RERE: variants seen among roughly 807,000 people sequenced by gnomAD.
RERE encodes arginine-glutamic acid dipeptide repeats protein.
In RERE, 40 loss-of-function variants were observed where a neutral mutation model predicts 146.1. The ratio of observed to expected loss-of-function variants is 0.27; its 90% CI spans 0.21 to 0.36. RERE has a LOEUF of 0.36. RERE is among the 10% of genes least tolerant of loss of function. RERE has a pLI of 1.00. For synonymous variants in RERE, 1,003 were observed against 866.0 expected, an observed-to-expected ratio of 1.16 and a Z score of -2.78; for missense variants, 1,933 against 2,138.7, an observed-to-expected ratio of 0.90 and a Z score of 1.90.
intron 1 of RERE, among the ~76,000 whole-genome samples, chr1:8,680,473 A>G (rs1638938503): frequency 6.6e-6 from 1 of 152,190 alleles, no homozygotes; most frequent in African/African-American, 2.4e-5. Context: ...AATGGAGAGG[A>G]TTCCATAGAA....
At chr1:8,636,597 A>G (rs1647104809) in intron 2 of RERE, among the ~76,000 whole-genome samples, 1 of 152,034 alleles carries the variant, frequency 6.6e-6, no homozygotes, top group Non-Finnish European at 1.5e-5. Context: ...AAAATAAAAA[A>G]CATCTGGTAC....
intron 1 of RERE, among the ~76,000 whole-genome samples, chr1:8,796,148 G>A (rs1641469726): frequency 6.6e-6 from 1 of 152,006 alleles, no homozygotes; most frequent in Non-Finnish European, 1.5e-5. Flanking sequence ...AGGCCACCCA[G>A]ATCTCAGATC....
intron 11 of RERE, among the ~76,000 whole-genome samples, chr1:8,458,577 GCA>G (rs961251929): frequency 6.6e-6 from 1 of 152,074 alleles, no homozygotes; most frequent in African/African-American, 2.4e-5. Flanking sequence ...GCGCATGCGC[GCA>G]CACACACATA....
chr1:8,360,443 G>C lies in RERE; in HGVS notation c.3064C>G (p.Pro1022Ala), dbSNP rs202121539. ...GGGGCCACCTGGTGGAGGCCTGTAG[G>C]GGGGTGGGAGGCAGGGGGCGGGGGC... ...NLPPPPASHPPTGLHQVAPQP... is the reference protein window; with the variant it reads ...NLPPPPASHPATGLHQVAPQP... Residue 1022 changes from proline to alanine, a missense_variant, in exon 18 of 23, where the codon CCT (proline) becomes GCT (alanine). Pro to Ala is a conservative substitution (Grantham distance 27). Coordinates refer to ENST00000400908, the MANE Select transcript of RERE (RefSeq NM_001042681.2). The C allele has an allele frequency of 1.3e-3, 1,293 of 961,370 alleles. 20 individuals carry two copies. In the African/African-American group the frequency reaches 0.021, roughly 16 times the overall value. The allele number at this position is 961,370 out of a possible 1,614,324, so 59.6% of individuals were successfully genotyped here.
intron 2 of RERE, among the ~76,000 whole-genome samples, chr1:8,637,601 T>A (rs1466150400): frequency 6.6e-6 from 1 of 152,210 alleles, no homozygotes; most frequent in Non-Finnish European, 1.5e-5. Flanking sequence ...ATACCACAGC[T>A]CTACCTCCTT....
At chr1:8,657,572 C>T (rs192400682) in intron 1 of RERE, among the ~76,000 whole-genome samples, 1 of 152,200 alleles carries the variant, frequency 6.6e-6, no homozygotes, top group Admixed American at 6.5e-5. Context: ...ACTGGCCAGG[C>T]GTGGTGGCTC....
intron 1 of RERE, among the ~76,000 whole-genome samples, chr1:8,732,802 A>ATT (rs1640115759): frequency 4.2e-5 from 4 of 94,970 alleles, no homozygotes; most frequent in African/African-American, 1.3e-4. Flanking sequence ...CCAATTTTCA[A>ATT]TTTTTCTTTT....
At position 8,508,628 on chromosome 1, in the gene RERE, T is replaced by C; in HGVS notation, c.878A>G (p.Gln293Arg). The C allele has an allele frequency of 6.2e-7, 1 of 1,611,390 alleles. No homozygotes were observed. The highest frequency in any genetic ancestry group is 8.5e-7 in the Non-Finnish European group (1 of 1,177,602). The change falls in exon 8 of 23, where the codon CAG (glutamine) becomes CGG (arginine). Residue 293 changes from glutamine (Q) to arginine (R), a missense_variant and splice_region_variant. Around this residue, in one of 11 missense-constraint regions of RERE, gnomAD observed 260 missense variants for 378.4 expected, o/e 0.69. Coordinates refer to ENST00000400908, the MANE Select transcript of RERE (RefSeq NM_001042681.2). Reference protein sequence around the residue: ...QGEIRVGPSHQAKLPDLQPFP... With the variant: ...QGEIRVGPSHRAKLPDLQPFP... ...GGAAGCTATGAAAATGAACTTCACC[T>C]GATGACTAGGACCGACACGAATCTC...
intron 4 of RERE, among the ~76,000 whole-genome samples, chr1:8,595,562 T>C (rs1197417502): frequency 2.0e-5 from 3 of 151,996 alleles, no homozygotes; most frequent in African/African-American, 7.2e-5. Flanking sequence ...TATTTTATTA[T>C]GTACATATTT....
At chr1:8,599,783 A>G (rs531599207) in intron 4 of RERE, among the ~76,000 whole-genome samples, 4 of 152,356 alleles carry the variant, frequency 2.6e-5, no homozygotes, top group East Asian at 1.9e-4. Flanking sequence ...TCTTATCTCC[A>G]GCCTTACAGC....
At chr1:8,802,614 T>C (rs943834433) in intron 1 of RERE, among the ~76,000 whole-genome samples, 6 of 152,182 alleles carry the variant, frequency 3.9e-5, no homozygotes, top group African/African-American at 1.2e-4. Context: ...GCTGATTCTC[T>C]TTCTTAAACC....
chr1:8,498,695 C>CAAA (rs1203388426), intron 8 of RERE, among the ~76,000 whole-genome samples: 7 of 96,888 alleles, frequency 7.2e-5, no homozygotes, highest in African/African-American at 2.6e-4. Flanking sequence ...GACTCCATCT[C>CAAA]AAAAAAAAAA....
intron 10 of RERE, among the ~76,000 whole-genome samples, chr1:8,485,796 CTTTTTTTTTT>C (rs58295004): frequency 4.1e-4 from 48 of 117,856 alleles, no homozygotes; most frequent in Non-Finnish European, 7.3e-4. Context: ...TCTACAATCA[CTTTTTTTTTT>C]TTTTTTTTTT....
At chr1:8,764,588 G>C (rs572988373) in intron 1 of RERE, among the ~76,000 whole-genome samples, 41 of 152,192 alleles carry the variant, frequency 2.7e-4, no homozygotes, top group African/African-American at 9.2e-4. Flanking sequence ...TTCAAGGAAG[G>C]CTCCCTGAAG....
chr1:8,701,001 C>G (rs1446209448), intron 1 of RERE, among the ~76,000 whole-genome samples: 1 of 152,070 alleles, frequency 6.6e-6, no homozygotes, highest in Non-Finnish European at 1.5e-5. Context: ...TAAAAGCAAG[C>G]ACGGTGGCAT....
chr1:8,480,354 A>C (rs1278333149), intron 10 of RERE, among the ~76,000 whole-genome samples: 1 of 148,996 alleles, frequency 6.7e-6, no homozygotes, highest in Non-Finnish European at 1.5e-5. Context: ...TGGTCAGGCT[A>C]GTCTTGAACT....
intron 12 of RERE, among the ~76,000 whole-genome samples, chr1:8,409,981 T>TC (rs1643567893): frequency 6.7e-6 from 1 of 148,536 alleles, no homozygotes; most frequent in Non-Finnish European, 1.5e-5. Flanking sequence ...ATTTTTTTTT[T>TC]TTTTTTTTTT....
At chr1:8,422,940 G>C in intron 11 of RERE, 133 bp from the exon 12 acceptor site, 2 of 675,590 alleles carry the variant, frequency 3.0e-6, no homozygotes, top group Non-Finnish European at 5.2e-6. Context: ...CCGAGGCTCG[G>C]AGAGTATGTC....
intron 12 of RERE, among the ~76,000 whole-genome samples, chr1:8,390,883 C>G (rs1350871698): frequency 6.6e-6 from 1 of 152,198 alleles, no homozygotes; most frequent in African/African-American, 2.4e-5. Context: ...TGATTTGCCA[C>G]TTCTGATTCA....
Sources: allele counts gnomAD v4.1 joint callset (sites outside exome capture counted in the v4.1 genomes callset), GRCh38; gene constraint gnomAD v4.1.1; regional missense constraint gnomAD v4.1.1; transcripts MANE v1.5; gene names NCBI Gene and HGNC (gene_info 2026-07-23, HGNC 2026-07-21).